The following EMC10 variants were observed in gnomAD, a reference collection of about 807,000 sequenced individuals.
The protein encoded by EMC10 is ER membrane protein complex subunit 10.
A neutral mutation model predicts 32.2 loss-of-function variants in EMC10; 40 were observed. The observed-to-expected ratio is 1.24, with a 90% CI of 0.96 to 1.61. The LOEUF (loss-of-function observed/expected upper bound fraction) is 1.61, where lower values mean the gene tolerates loss of function less well. Ranked by LOEUF, EMC10 falls within the 40% of genes most tolerant of loss-of-function variation. The probability of loss-of-function intolerance (pLI) is 0.00; values close to 1 mark genes in which losing one functional copy is unlikely to be tolerated. For synonymous variants in EMC10, 178 were observed against 158.4 expected (o/e 1.12, Z -0.93); for missense variants, 402 against 357.7 (o/e 1.12, Z -1.00).
intron 6 of EMC10, chr19:50,481,564 G>C: frequency 2.2e-6 from 1 of 453,238 alleles, no homozygotes; most frequent in South Asian, 3.2e-5. Flanking sequence ...TTAGGTTGTG[G>C]CACAGGAGCC....
rs1226908785 is a variant in EMC10 at position 50,488,974 on chromosome 19, A to G, written c.*6715A>G. The stretch of plus-strand genomic sequence containing the variant: ...AACGGAACAGAGAGGGGGCACAGAC[A>G]GCGGACTGGACCGAGAGGGAGATGG... On this transcript the variant is annotated 3_prime_UTR_variant, in exon 7 of 7. Transcript: ENST00000334976. 1 of 137,784 alleles carries G rather than the reference A, an allele frequency of 7.3e-6. No homozygotes were observed. Among genetic ancestry groups the G allele is most frequent in the East Asian group, 2.6e-4 (1 of 3,900 alleles). The allele number at this position is 137,784 out of a possible 1,614,324, so 8.5% of individuals were successfully genotyped here.
rs1254504535 is a variant in EMC10, at chr19:50,478,962, A to G, written c.193A>G (p.Ser65Gly). The change falls in exon 3 of 7, where the codon AGT (serine) becomes GGT (glycine). Residue 65 changes from serine to glycine, a missense_variant. Transcript: ENST00000334976. Reference protein sequence around the residue: ...LLEHSFEIDDSANFRKRGSLL... With the variant: ...LLEHSFEIDDGANFRKRGSLL... ...TGAACCTGAGCTCCTCACAGATGAC[A>G]GTGCCAACTTCCGGAAGCGGGGCTC... 6.2e-7 allele frequency: 1 copy of G among 1,606,400 alleles called. No individual in the cohort carries two copies. Among genetic ancestry groups the G allele is most frequent in the South Asian group, 1.1e-5 (1 of 89,472 alleles).
Position 50,480,051 on chromosome 19 carries a change from C to T in EMC10, c.298-60C>T. ...GCCTTCGCGGAGGCCTGGTGGGCAT[C>T]ACAGCCTGTCCAGGGCTGACACCAT... On this transcript the variant is annotated intron_variant, in intron 3 of 6. Coordinates refer to ENST00000334976, the MANE Select transcript of EMC10 (RefSeq NM_206538.4). The surrounding 1 kb of genome is among the most constrained non-coding windows in gnomAD (Gnocchi z 4.4). 1 of 1,413,028 alleles carries T rather than the reference C, an allele frequency of 7.1e-7. No homozygotes were observed. Among genetic ancestry groups the T allele is most frequent in the Non-Finnish European group, 9.7e-7 (1 of 1,030,784 alleles). 87.5% of individuals were successfully genotyped at this position (1,413,028 alleles called of 1,614,324 possible). A position where few individuals can be genotyped will look rare whatever the true frequency, so the allele number is the denominator to read the frequency against.
Position 50,480,260 on chromosome 19 carries a change from C to T in EMC10, c.402+45C>T. On this transcript the variant is annotated intron_variant, in intron 4 of 6. Transcript: ENST00000334976. This position sits in a 1 kb window ranked among gnomAD's most constrained non-coding sequence, Gnocchi z 4.4. ...GAGCCCCCTTCTCCCTCGTCCTCCTCATCCCCTACCCTGGTCCTGCTTCCA... is the reference window on the plus strand; with the variant it reads ...GAGCCCCCTTCTCCCTCGTCCTCCTTATCCCCTACCCTGGTCCTGCTTCCA... 1 of 1,544,968 alleles carries T rather than the reference C, an allele frequency of 6.5e-7. No individual in the cohort carries two copies. Among genetic ancestry groups the T allele is most frequent in the Non-Finnish European group, 8.9e-7 (1 of 1,126,756 alleles).
intron 3 of EMC10, 83 bp downstream of exon 3, chr19:50,479,149 A>G (rs2122657732): frequency 8.8e-7 from 1 of 1,136,436 alleles, no homozygotes. Context: ...GCTGGTCCCC[A>G]GCAGCCTTCC....
At position 50,477,944 on chromosome 19, in the gene EMC10, C is replaced by A. The variant is rs780745121; in HGVS notation, c.130C>A (p.Arg44=). 6 of 1,597,736 alleles carry A rather than the reference C, an allele frequency of 3.8e-6. No individual in the cohort carries two copies. Among genetic ancestry groups the A allele is most frequent in the South Asian group, 2.3e-5 (2 of 88,742 alleles). Residue 44 remains arginine, a synonymous_variant, in exon 2 of 7, where the codon CGA becomes AGA. Coordinates refer to ENST00000334976, the MANE Select transcript of EMC10 (RefSeq NM_206538.4). ...TCCTCTGCAGGCTGGGGCGGAAGGTCGAGAGGGCGAGGCCTGTGGCACGGT... is the reference window on the plus strand; with the variant it reads ...TCCTCTGCAGGCTGGGGCGGAAGGTAGAGAGGGCGAGGCCTGTGGCACGGT... ...TGARGAGAEG[R]EGEACGTVGL... is the part of the protein sequence containing the mutation.
At chr19:50,479,382 T>G (rs2040282513) in intron 3 of EMC10, among the ~76,000 whole-genome samples, 1 of 152,240 alleles carries the variant, frequency 6.6e-6, no homozygotes, top group African/African-American at 2.4e-5. Flanking sequence ...AGCTGTTTCA[T>G]GACCACTTAG....
intron 1 of EMC10, 72 bp from the exon 2 acceptor site, chr19:50,477,857 T>G (rs1035890451): frequency 8.1e-7 from 1 of 1,238,714 alleles, no homozygotes; most frequent in Admixed American, 2.6e-5. Flanking sequence ...CTGTCTGTCC[T>G]GGGTTCTGTG....
Position 50,486,790 on chromosome 19 carries a change from A to T in EMC10, c.*4531A>T, listed in dbSNP as rs1334160688. The T allele has an allele frequency of 2.0e-5, 3 of 152,194 alleles. No individual in the cohort carries two copies. Among genetic ancestry groups the T allele is most frequent in the African/African-American group, 7.2e-5 (3 of 41,426 alleles). 9.4% of individuals were successfully genotyped at this position (152,194 alleles called of 1,614,324 possible). ...AATGACTTGAAAATGTGTGAAGTTC[A>T]GAAGTTTCATACCAAGAAGTTTGCT... On this transcript the variant is annotated 3_prime_UTR_variant, in exon 7 of 7. Coordinates refer to ENST00000334976, the MANE Select transcript of EMC10 (RefSeq NM_206538.4).
At chr19:50,481,123 C>T (rs2040313491) in intron 6 of EMC10, 146 bp downstream of exon 6, 1 of 637,480 alleles carries the variant, frequency 1.6e-6, no homozygotes, top group Admixed American at 3.0e-5. Flanking sequence ...GGTACCTGGG[C>T]TGAGGCTTGT....
intron 1 of EMC10, chr19:50,477,371 C>G (rs139265227): frequency 0.028 from 4,256 of 153,258 alleles, 190 homozygotes; most frequent in African/African-American, 0.095. Flanking sequence ...CTACTGCACT[C>G]CAGCCTGGGC....
chr19:50,482,559 G>T lies in EMC10; in HGVS notation c.*300G>T. On this transcript the variant is annotated 3_prime_UTR_variant, in exon 7 of 7. Transcript: ENST00000334976. ...GCCCGAGATCCTGGCCACTATGCCA[G>T]TTCTGACCTCGCATCCCCCTACCCC... The T allele has an allele frequency of 1.9e-6, 1 of 538,718 alleles. No homozygotes were observed. Among genetic ancestry groups the T allele is most frequent in the South Asian group, 2.8e-5 (1 of 36,202 alleles). The allele number at this position is 538,718 out of a possible 1,614,324, so 33.4% of individuals were successfully genotyped here.
At position 50,488,468 on chromosome 19, in the gene EMC10, G is replaced by A. The variant is rs2122678011; in HGVS notation, c.*6209G>A. 6.7e-6 allele frequency: 1 copy of A among 149,816 alleles called. No individual in the cohort carries two copies. Among genetic ancestry groups the A allele is most frequent in the South Asian group, 2.1e-4 (1 of 4,668 alleles). 9.3% of individuals were successfully genotyped at this position (149,816 alleles called of 1,614,324 possible). On this transcript the variant is annotated 3_prime_UTR_variant, in exon 7 of 7. Transcript: ENST00000334976. Reference sequence around the variant, plus strand: ...GGACAGGAAGGAAGAGAGGGAGAGGGTGGGTGCCATGGCTGGTGAGCTCGG... The same window carrying A: ...GGACAGGAAGGAAGAGAGGGAGAGGATGGGTGCCATGGCTGGTGAGCTCGG...
rs373618639 is a variant in EMC10 at position 50,483,408 on chromosome 19, GTC to G, written c.*1155_*1156del. On this transcript the variant is annotated 3_prime_UTR_variant, in exon 7 of 7. Coordinates refer to ENST00000334976, the MANE Select transcript of EMC10 (RefSeq NM_206538.4). ...GCACCCTAGTGAGTGCTGTCGTCCA[GTC>G]TCTCTTGGGTGTGGTTTGAATGATC... 341 of 221,016 alleles carry G rather than the reference GTC, an allele frequency of 1.5e-3. 2 individuals are homozygous for G. The highest frequency in any genetic ancestry group is 7.4e-3 in the African/African-American group (320 of 43,070). The allele number at this position is 221,016 out of a possible 1,614,324, so 13.7% of individuals were successfully genotyped here.
intron 6 of EMC10, 36 bp downstream of exon 6, chr19:50,481,013 C>G (rs1329032966): frequency 6.5e-7 from 1 of 1,535,552 alleles, no homozygotes; most frequent in Non-Finnish European, 8.9e-7. Context: ...TATTCCCTTC[C>G]TGACAGTCCC....
Position 50,482,361 on chromosome 19 carries a change from C to T in EMC10, c.*102C>T. ...CATCCCAAGAAGGGTTTGCTGGTCCCTCCTTTCCCCCCGTCCCACGAGGCC... is the reference window on the plus strand; with the variant it reads ...CATCCCAAGAAGGGTTTGCTGGTCCTTCCTTTCCCCCCGTCCCACGAGGCC... On this transcript the variant is annotated 3_prime_UTR_variant, in exon 7 of 7. Transcript: ENST00000334976. 1 of 629,698 alleles carries T rather than the reference C, an allele frequency of 1.6e-6. No homozygotes were observed. Among genetic ancestry groups the T allele is most frequent in the Non-Finnish European group, 2.8e-6 (1 of 354,390 alleles). The allele number at this position is 629,698 out of a possible 1,614,324, so 39.0% of individuals were successfully genotyped here. A position where few individuals can be genotyped will look rare whatever the true frequency, so the allele number is the denominator to read the frequency against.
Position 50,483,056 on chromosome 19 carries a change from G to A in EMC10, c.*797G>A, listed in dbSNP as rs1719124298. The A allele has an allele frequency of 7.5e-6, 4 of 536,404 alleles. No homozygotes were observed. Among genetic ancestry groups the A allele is most frequent in the South Asian group, 6.1e-5 (4 of 65,166 alleles). The allele number at this position is 536,404 out of a possible 1,614,324, so 33.2% of individuals were successfully genotyped here. ...CGCCCAGCATCCTACCTGGACTGCG[G>A]TGCTACGAGGGCCTGCGGGCCTTTG... is the stretch of plus-strand genomic sequence containing the variant. On this transcript the variant is annotated 3_prime_UTR_variant, in exon 7 of 7. Transcript: ENST00000334976.
rs1173121542 is a variant in EMC10 at position 50,489,056 on chromosome 19, A to T, written c.*6797A>T. On this transcript the variant is annotated 3_prime_UTR_variant, in exon 7 of 7. Transcript: ENST00000334976. ...GGGAAGGAGGGTAGGAGAGGGCTGG[A>T]GATAGGGGAAAAGAGAAAAGGAGGG... 1 of 146,120 alleles carries T rather than the reference A, an allele frequency of 6.8e-6. No individual in the cohort carries two copies. Among genetic ancestry groups the T allele is most frequent in the Non-Finnish European group, 1.5e-5 (1 of 67,602 alleles). 9.1% of individuals were successfully genotyped at this position (146,120 alleles called of 1,614,324 possible). A position where few individuals can be genotyped will look rare whatever the true frequency, so the allele number is the denominator to read the frequency against.
At position 50,486,520 on chromosome 19, in the gene EMC10, C is replaced by T. The variant is rs1978362192; in HGVS notation, c.*4261C>T. 2 of 152,274 alleles carry T rather than the reference C, an allele frequency of 1.3e-5. No homozygotes were observed. The highest frequency in any genetic ancestry group is 4.8e-5 in the African/African-American group (2 of 41,570). The allele number at this position is 152,274 out of a possible 1,614,324, so 9.4% of individuals were successfully genotyped here. ...TTCTTTAACCCATCAGAGAGACTCC[C>T]TGGTAAGGATTAGGGGCTAATTACT... On this transcript the variant is annotated 3_prime_UTR_variant, in exon 7 of 7. Transcript: ENST00000334976.
Sources: allele counts gnomAD v4.1 joint callset (sites outside exome capture counted in the v4.1 genomes callset), GRCh38; gene constraint gnomAD v4.1.1; non-coding constraint Gnocchi (gnomAD v3.1); transcripts MANE v1.5; gene names NCBI Gene and HGNC (gene_info 2026-07-23, HGNC 2026-07-21).